Variants in CABLES1 observed in about 807,000 individuals in gnomAD.
CABLES1 encodes the protein CDK5 and ABL1 enzyme substrate 1.
A neutral mutation model predicts 57.8 loss-of-function variants in CABLES1; 36 were observed. That is an observed-to-expected ratio of 0.62 (90% CI 0.48 to 0.82). The LOEUF (loss-of-function observed/expected upper bound fraction) is 0.82. Ranked by LOEUF, CABLES1 falls within the 40% of genes least tolerant of loss-of-function variation. The pLI is 0.00. For synonymous variants in CABLES1, 374 were observed against 363.0 expected (o/e 1.03, Z -0.35); for missense variants, 767 against 836.6 (o/e 0.92, Z 1.03).
intron 7 of CABLES1, among the ~76,000 whole-genome samples, chr18:23,246,391 G>A (rs1036455918): frequency 1.1e-4 from 16 of 151,812 alleles, no homozygotes; most frequent in Non-Finnish European, 2.2e-4. Flanking sequence ...GCAAGTTTTT[G>A]TTTTTTGGTT....
intron 3 of CABLES1, among the ~76,000 whole-genome samples, chr18:23,199,656 G>T (rs1305916161): frequency 6.6e-6 from 1 of 152,172 alleles, no homozygotes; most frequent in Non-Finnish European, 1.5e-5. Flanking sequence ...AGAGACAGAA[G>T]GTGGTAGGTA....
At chr18:23,184,720 T>A (rs1006549330) in intron 1 of CABLES1, among the ~76,000 whole-genome samples, 5 of 151,806 alleles carry the variant, frequency 3.3e-5, no homozygotes, top group African/African-American at 1.2e-4. Flanking sequence ...AATAAATAAA[T>A]AAAAAGTAAA....
chr18:23,207,148 A>G (rs1206504833), intron 3 of CABLES1, among the ~76,000 whole-genome samples: 1 of 152,216 alleles, frequency 6.6e-6, no homozygotes, highest in Non-Finnish European at 1.5e-5. Flanking sequence ...AATATAAATG[A>G]TAATACAACT....
chr18:23,219,765 T>C (rs1348409302), intron 4 of CABLES1, among the ~76,000 whole-genome samples: 2 of 152,250 alleles, frequency 1.3e-5, no homozygotes, highest in Non-Finnish European at 2.9e-5. Context: ...CTCATTCTTG[T>C]CAGTGCTGCT....
At position 23,237,222 on chromosome 18, in the gene CABLES1, G is replaced by T; in HGVS notation, c.1423G>T (p.Val475Phe). The T allele has an allele frequency of 6.2e-7, 1 of 1,612,114 alleles. No individual in the cohort carries two copies. ...PQWPCGKHKR[V>F]LIFPSYMTTV... Reference sequence around the variant, plus strand: ...GTGGCCTTGTGGCAAACACAAACGCGTTCTGATCTTCCCTTCCTACATGGT... The same window carrying T: ...GTGGCCTTGTGGCAAACACAAACGCTTTCTGATCTTCCCTTCCTACATGGT... The change falls in exon 7 of 10, where the codon GTT (valine) becomes TTT (phenylalanine). Residue 475 changes from valine to phenylalanine, a missense_variant. Transcript: ENST00000256925.
At chr18:23,191,605 G>A (rs891763709) in intron 2 of CABLES1, among the ~76,000 whole-genome samples, 1 of 152,118 alleles carries the variant, frequency 6.6e-6, no homozygotes, top group Non-Finnish European at 1.5e-5. Flanking sequence ...ATGGCTCCAA[G>A]GAATCTATTA....
chr18:23,215,509 G>A (rs2047435052), intron 4 of CABLES1, among the ~76,000 whole-genome samples: 1 of 152,154 alleles, frequency 6.6e-6, no homozygotes, highest in African/African-American at 2.4e-5. Context: ...GTCCTCTCTT[G>A]GCCAGAGCTT....
intron 5 of CABLES1, 131 bp downstream of exon 5, chr18:23,234,835 T>A: frequency 2.8e-6 from 2 of 718,984 alleles, no homozygotes; most frequent in Non-Finnish European, 2.4e-6. Context: ...CCCAGGCATG[T>A]GATGCCAGCC....
intron 4 of CABLES1, among the ~76,000 whole-genome samples, chr18:23,218,348 C>G (rs78420058): frequency 3.4e-3 from 150 of 44,164 alleles, no homozygotes; most frequent in Middle Eastern, 0.045. Context: ...ACTTGCCCTG[C>G]CTCCCGCATC....
chr18:23,242,052 G>A (rs985331888), intron 7 of CABLES1, among the ~76,000 whole-genome samples: 4 of 152,166 alleles, frequency 2.6e-5, no homozygotes, highest in Admixed American at 2.6e-4. Context: ...GAGGCGGGTG[G>A]ATCACCTGAG....
At chr18:23,235,634 C>T (rs1015933624) in intron 5 of CABLES1, among the ~76,000 whole-genome samples, 5 of 152,224 alleles carry the variant, frequency 3.3e-5, no homozygotes, top group African/African-American at 1.2e-4. Context: ...TAGTCAAATA[C>T]ATTCACATTT....
intron 4 of CABLES1, among the ~76,000 whole-genome samples, chr18:23,216,229 T>G (rs1303219153): frequency 6.6e-6 from 1 of 152,228 alleles, no homozygotes; most frequent in Non-Finnish European, 1.5e-5. Context: ...GGTACCCAAG[T>G]GCTCATCCCC....
At position 23,178,555 on chromosome 18, in the gene CABLES1, A is replaced by G. The variant is rs575609020; in HGVS notation, c.846-10283A>G. On this transcript the variant is annotated intron_variant, in intron 1 of 9. Transcript: ENST00000256925. ...TAGACCCTTTGTCAAAAGAGTTTGA[A>G]CTTGTTCCCAGGGGGTATCACTGGA... Among the ~76,000 whole-genome samples the G allele has an allele frequency of 1.1e-4, 16 of 152,326 alleles. No homozygotes were observed. In the South Asian group the frequency reaches 3.3e-3, roughly 32 times the overall value.
intron 3 of CABLES1, among the ~76,000 whole-genome samples, chr18:23,209,049 T>C (rs1005644450): frequency 1.3e-5 from 2 of 152,188 alleles, no homozygotes; most frequent in Non-Finnish European, 2.9e-5. Flanking sequence ...ACTACAGCAG[T>C]CCCTCCTTAT....
intron 1 of CABLES1, among the ~76,000 whole-genome samples, chr18:23,145,281 C>T (rs1002387453): frequency 2.0e-5 from 3 of 152,014 alleles, no homozygotes; most frequent in Admixed American, 2.0e-4. Flanking sequence ...TCATGTTAGC[C>T]AGGCTGGGCT....
chr18:23,237,092 A>G (rs773957845), intron 6 of CABLES1, 50 bp from the exon 7 acceptor site: 9 of 1,061,840 alleles, frequency 8.5e-6, no homozygotes, highest in Non-Finnish European at 1.3e-5. Context: ...TCTGCTGGGG[A>G]GGGTCCGGAG....
chr18:23,217,383 A>G lies in CABLES1; in HGVS notation c.1088+3329A>G, dbSNP rs563563727. Among the ~76,000 whole-genome samples the G allele has an allele frequency of 7.2e-5, 11 of 152,306 alleles. No individual in the cohort carries two copies. The South Asian group carries it at 2.1e-3, about 29-fold the overall frequency. On this transcript the variant is annotated intron_variant, in intron 4 of 9. Coordinates refer to ENST00000256925, the MANE Select transcript of CABLES1 (RefSeq NM_001100619.3). The stretch of plus-strand genomic sequence containing the variant: ...CAGGTGTAAGCCACTGTACCCAGCT[A>G]GAAGAGGATTTTTTTCTATAACAAA...
intron 3 of CABLES1, among the ~76,000 whole-genome samples, chr18:23,202,611 A>G (rs2047333297): frequency 6.6e-6 from 1 of 152,254 alleles, no homozygotes; most frequent in Non-Finnish European, 1.5e-5. Flanking sequence ...TGAAGAAGAC[A>G]GACATTTACA....
chr18:23,161,903 A>G (rs1379137459), intron 1 of CABLES1, among the ~76,000 whole-genome samples: 9 of 150,760 alleles, frequency 6.0e-5, no homozygotes, highest in Non-Finnish European at 1.3e-4. Flanking sequence ...GCCTGGGTGG[A>G]CAGAGCAAGA....
Sources: gnomAD v4.1 joint callset for allele counts (sites outside exome capture counted in the v4.1 genomes callset) on GRCh38, gnomAD v4.1.1 for gene constraint, MANE v1.5 for transcripts, NCBI Gene and HGNC (gene_info 2026-07-23, HGNC 2026-07-21) for gene names.